Variants in NCAM2 observed in about 807,000 individuals in gnomAD.
NCAM2 encodes the protein N-CAM-2.
NCAM2 carries 30 observed loss-of-function variants against 98.1 expected under a neutral mutation model. That is an observed-to-expected ratio of 0.31 (90% CI 0.23 to 0.41). The LOEUF is 0.41. Ranked by LOEUF, NCAM2 falls within the 10% of genes least tolerant of loss-of-function variation. The pLI is 1.00. For synonymous variants in NCAM2, 368 were observed against 342.4 expected, an observed-to-expected ratio of 1.07 and a Z score of -0.83; for missense variants, 867 against 1,005.8, an observed-to-expected ratio of 0.86 and a Z score of 1.87.
chr21:21,512,299 C>T (rs1280076950), intron 16 of NCAM2, among the ~76,000 whole-genome samples: 6 of 152,006 alleles, frequency 3.9e-5, no homozygotes, highest in Non-Finnish European at 7.4e-5. Flanking sequence ...CTACATTCAT[C>T]ATCTATATAT....
chr21:21,018,287 T>G (rs1211427374), intron 1 of NCAM2, among the ~76,000 whole-genome samples: 1 of 152,196 alleles, frequency 6.6e-6, no homozygotes, highest in Non-Finnish European at 1.5e-5. Flanking sequence ...CAAAACATAG[T>G]CAGTGAATAT....
At chr21:21,072,037 C>T (rs1396538164) in intron 1 of NCAM2, among the ~76,000 whole-genome samples, 3 of 151,930 alleles carry the variant, frequency 2.0e-5, no homozygotes, top group Non-Finnish European at 4.4e-5. Context: ...CTCAGCCTCC[C>T]GAGTAGCTGG....
intron 1 of NCAM2, among the ~76,000 whole-genome samples, chr21:21,124,234 G>T (rs2066740021): frequency 6.6e-6 from 1 of 152,050 alleles, no homozygotes; most frequent in African/African-American, 2.4e-5. Flanking sequence ...GGCAGACAAG[G>T]TAATGCTGAC....
chr21:21,238,587 T>C (rs534846236), intron 1 of NCAM2, among the ~76,000 whole-genome samples: 62 of 147,030 alleles, frequency 4.2e-4, no homozygotes, highest in African/African-American at 1.5e-3. Context: ...TAAAAATATA[T>C]TTTTATTTTT....
chr21:21,265,771 G>A (rs1463258195), intron 1 of NCAM2, among the ~76,000 whole-genome samples: 1 of 151,776 alleles, frequency 6.6e-6, no homozygotes. Flanking sequence ...AGGAGAGGGG[G>A]AAATGTGTTG....
intron 1 of NCAM2, among the ~76,000 whole-genome samples, chr21:21,061,198 A>T (rs2065314274): frequency 6.6e-6 from 1 of 152,146 alleles, no homozygotes; most frequent in South Asian, 2.1e-4. Flanking sequence ...ATAATTTGAT[A>T]TTTCCGTTCT....
chr21:21,481,196 G>T (rs557599420), intron 15 of NCAM2, among the ~76,000 whole-genome samples: 1 of 152,176 alleles, frequency 6.6e-6, no homozygotes, highest in South Asian at 2.1e-4. Flanking sequence ...GTGATTTCCA[G>T]AGAATATTTC....
At chr21:21,149,390 T>G (rs2067379499) in intron 1 of NCAM2, among the ~76,000 whole-genome samples, 1 of 152,148 alleles carries the variant, frequency 6.6e-6, no homozygotes, top group Non-Finnish European at 1.5e-5. Flanking sequence ...CTTCAGGAAC[T>G]TTGTCTACTT....
At chr21:21,028,719 A>G (rs372155327) in intron 1 of NCAM2, among the ~76,000 whole-genome samples, 13 of 152,356 alleles carry the variant, frequency 8.5e-5, no homozygotes, top group African/African-American at 2.9e-4. Flanking sequence ...TATTTGTGCA[A>G]TAACATAGAT....
chr21:21,463,308 A>G (rs1055520550), intron 12 of NCAM2, among the ~76,000 whole-genome samples: 1 of 152,108 alleles, frequency 6.6e-6, no homozygotes, highest in Admixed American at 6.6e-5. Flanking sequence ...ATGTAGTCTC[A>G]ATGTGTGGAG....
intron 12 of NCAM2, among the ~76,000 whole-genome samples, chr21:21,453,333 A>T (rs1981623397): frequency 6.6e-6 from 1 of 151,530 alleles, no homozygotes; most frequent in African/African-American, 2.4e-5. Context: ...TCACATAAAT[A>T]CCTAGGGAAG....
chr21:21,427,973 T>A (rs1430723014), intron 11 of NCAM2, among the ~76,000 whole-genome samples: 3 of 152,196 alleles, frequency 2.0e-5, no homozygotes, highest in African/African-American at 7.2e-5. Flanking sequence ...GTCGTACTAT[T>A]CTAATCTCCA....
At chr21:21,496,839 A>G (rs1422461306) in intron 15 of NCAM2, among the ~76,000 whole-genome samples, 2 of 152,136 alleles carry the variant, frequency 1.3e-5, no homozygotes, top group Non-Finnish European at 2.9e-5. Context: ...TGGGCTAGCC[A>G]GTTATCCCAG....
At chr21:21,012,421 A>G (rs2146143972) in intron 1 of NCAM2, among the ~76,000 whole-genome samples, 1 of 152,272 alleles carries the variant, frequency 6.6e-6, no homozygotes, top group African/African-American at 2.4e-5. Flanking sequence ...ATCATAGTGA[A>G]ATTACATCAG....
chr21:21,047,426 G>GT (rs1163624728), intron 1 of NCAM2, among the ~76,000 whole-genome samples: 1 of 152,150 alleles, frequency 6.6e-6, no homozygotes, highest in Non-Finnish European at 1.5e-5. Context: ...GAATTGACAG[G>GT]TTTTTTTGCT....
At chr21:21,096,399 T>G (rs1395832268) in intron 1 of NCAM2, among the ~76,000 whole-genome samples, 3 of 151,772 alleles carry the variant, frequency 2.0e-5, no homozygotes, top group Non-Finnish European at 4.4e-5. Context: ...ACAAATCATT[T>G]GAAAACTTAC....
Position 21,534,639 on chromosome 21 carries a change from A to C in NCAM2, c.2385A>C (p.Thr795=). The C allele has an allele frequency of 6.2e-7, 1 of 1,610,084 alleles. No homozygotes were observed. The highest frequency in any genetic ancestry group is 8.5e-7 in the Non-Finnish European group (1 of 1,178,224). Residue 795 remains threonine (T), a synonymous_variant, in exon 17 of 18, where the codon ACA becomes ACC. Coordinates refer to ENST00000400546, the MANE Select transcript of NCAM2 (RefSeq NM_004540.5). The part of the protein sequence containing the change: ...GSPVNEPNET[T]PLTEPEKLPL... ...CAGTAAATGAGCCAAATGAAACCAC[A>C]CCACTGACAGAACCTGAGTATGTGG...
At chr21:21,194,123 C>A (rs2068922326) in intron 1 of NCAM2, among the ~76,000 whole-genome samples, 1 of 152,082 alleles carries the variant, frequency 6.6e-6, no homozygotes, top group African/African-American at 2.4e-5. Flanking sequence ...ATGTATAGTT[C>A]CATATATACA....
At chr21:21,066,750 A>G (rs925260928) in intron 1 of NCAM2, among the ~76,000 whole-genome samples, 1 of 152,128 alleles carries the variant, frequency 6.6e-6, no homozygotes, top group Non-Finnish European at 1.5e-5. Context: ...ATAAATATAT[A>G]TACTTTTAAG....
Sources: gnomAD v4.1 joint callset for allele counts (sites outside exome capture counted in the v4.1 genomes callset) on GRCh38, gnomAD v4.1.1 for gene constraint, MANE v1.5 for transcripts, NCBI Gene and HGNC (gene_info 2026-07-23, HGNC 2026-07-21) for gene names.